Variants in TCF4 observed in about 807,000 individuals in gnomAD.
The protein encoded by TCF4 is transcription factor 4, also known as SL3-3 enhancer factor 2.
Under a neutral mutation model 82.1 loss-of-function variants are expected in TCF4, and 3 were observed. That is an observed-to-expected ratio of 0.04 (90% CI 0.02 to 0.09). The LOEUF (loss-of-function observed/expected upper bound fraction) is 0.09. Ranked by LOEUF, TCF4 falls within the 10% of genes least tolerant of loss-of-function variation. The probability of loss-of-function intolerance (pLI) is 1.00; values close to 1 mark genes in which losing one functional copy is unlikely to be tolerated. For missense variants in TCF4, 518 were observed against 852.7 expected (o/e 0.61, Z 4.89); for synonymous variants, 276 against 309.6 (o/e 0.89, Z 1.14).
intron 8 of TCF4, among the ~76,000 whole-genome samples, chr18:55,342,736 T>C (rs1289862002): frequency 1.3e-5 from 2 of 152,184 alleles, no homozygotes; most frequent in African/African-American, 4.8e-5. Flanking sequence ...TAAATTATTT[T>C]GTACTTCAAG....
At chr18:55,351,890 T>C in intron 6 of TCF4, 1 of 877,200 alleles carries the variant, frequency 1.1e-6, no homozygotes, top group Non-Finnish European at 1.4e-6. Context: ...ATAGTACCAT[T>C]TATATTAAGA....
chr18:55,630,554 A>C (rs747281563), intron 2 of TCF4, among the ~76,000 whole-genome samples: 1 of 152,218 alleles, frequency 6.6e-6, no homozygotes, highest in Non-Finnish European at 1.5e-5. Flanking sequence ...ATTTCTGGAA[A>C]GCTTGTTGAA....
chr18:55,258,245 A>G (rs551100808), intron 13 of TCF4, among the ~76,000 whole-genome samples: 4 of 152,166 alleles, frequency 2.6e-5, no homozygotes, highest in Non-Finnish European at 5.9e-5. Flanking sequence ...TCTTGACAGA[A>G]TTTGGACAGA....
At chr18:55,259,664 G>A (rs2057614841) in intron 13 of TCF4, 3 of 353,376 alleles carry the variant, frequency 8.5e-6, no homozygotes, top group South Asian at 8.7e-5. Context: ...TTATTCTGCC[G>A]TTGGGTGTCT....
chr18:55,541,222 T>C (rs1051140282), intron 3 of TCF4, among the ~76,000 whole-genome samples: 1 of 152,058 alleles, frequency 6.6e-6, no homozygotes, highest in Non-Finnish European at 1.5e-5. Flanking sequence ...CATTTTATAC[T>C]GCAAATTGCA....
At chr18:55,404,704 G>A (rs1036765514) in intron 5 of TCF4, among the ~76,000 whole-genome samples, 1 of 152,112 alleles carries the variant, frequency 6.6e-6, no homozygotes, top group Non-Finnish European at 1.5e-5. Context: ...AATGTTATTA[G>A]AGTATGCCTT....
At chr18:55,511,346 A>AAAAC (rs1555713660) in intron 3 of TCF4, among the ~76,000 whole-genome samples, 2 of 151,100 alleles carry the variant, frequency 1.3e-5, no homozygotes, top group African/African-American at 2.4e-5. Context: ...AAAAAAAAAA[A>AAAAC]AAAAGCATTC....
At chr18:55,404,641 C>T (rs1039100938) in intron 5 of TCF4, among the ~76,000 whole-genome samples, 5 of 152,102 alleles carry the variant, frequency 3.3e-5, no homozygotes, top group Admixed American at 1.3e-4. Flanking sequence ...CAACTCAACA[C>T]GAATGCTAAA....
intron 2 of TCF4, among the ~76,000 whole-genome samples, chr18:55,630,598 A>G (rs1476391174): frequency 6.6e-6 from 1 of 152,208 alleles, no homozygotes; most frequent in Non-Finnish European, 1.5e-5. Flanking sequence ...TCATTTATTC[A>G]TTCTATAAAG....
intron 8 of TCF4, chr18:55,321,569 A>T: frequency 2.0e-6 from 3 of 1,489,456 alleles, no homozygotes; most frequent in East Asian, 2.5e-5. Flanking sequence ...AAGGTGCGGC[A>T]GTCCTGCACA....
At position 55,576,529 on chromosome 18, in the gene TCF4, T is replaced by C. The variant is rs149480778; in HGVS notation, c.145+8751A>G. Reference sequence around the variant, plus strand: ...TTTAGAGCCAAGAAACTTCTCTTTCTGGGAGCTCTCTTTAATCTACCCTTT... The same window carrying C: ...TTTAGAGCCAAGAAACTTCTCTTTCCGGGAGCTCTCTTTAATCTACCCTTT... On this transcript the variant is annotated intron_variant, in intron 3 of 19. Coordinates refer to ENST00000354452, the MANE Select transcript of TCF4 (RefSeq NM_001083962.2). Among the ~76,000 whole-genome samples, 81 of 152,252 alleles carry C rather than the reference T, an allele frequency of 5.3e-4. 1 individual carries two copies. Among genetic ancestry groups the C allele is most frequent in the Middle Eastern group, 3.4e-3 (1 of 294 alleles).
chr18:55,398,614 C>CT (rs1208633562), intron 6 of TCF4, among the ~76,000 whole-genome samples: 5 of 152,248 alleles, frequency 3.3e-5, no homozygotes, highest in Non-Finnish European at 7.4e-5. Context: ...TTCCAAAGGA[C>CT]TTTTTTGGGA....
rs1301080004 is a variant in TCF4 at position 55,223,595 on chromosome 18, A to G, written c.*4440T>C. ...GAACTCCAGCACACAACCTGTTTGG[A>G]CACTTCTACAAATCAGAAATACACC... On this transcript the variant is annotated 3_prime_UTR_variant, in exon 20 of 20. Coordinates refer to ENST00000354452, the MANE Select transcript of TCF4 (RefSeq NM_001083962.2). The G allele has an allele frequency of 1.3e-5, 2 of 152,484 alleles. No individual in the cohort carries two copies. The highest frequency in any genetic ancestry group is 4.8e-5 in the African/African-American group (2 of 41,404). The allele number at this position is 152,484 out of a possible 1,614,324, so 9.4% of individuals were successfully genotyped here.
At chr18:55,474,940 T>C (rs951729913) in intron 3 of TCF4, among the ~76,000 whole-genome samples, 1 of 152,154 alleles carries the variant, frequency 6.6e-6, no homozygotes, top group African/African-American at 2.4e-5. Flanking sequence ...TTTAAAAGTT[T>C]TCAATTACAG....
In TCF4 at chr18:55,227,776, C is replaced by G. The variant is rs1464162427; in HGVS notation, c.*259G>C. 1 of 205,422 alleles carries G rather than the reference C, an allele frequency of 4.9e-6. No individual in the cohort carries two copies. Among genetic ancestry groups the G allele is most frequent in the Non-Finnish European group, 9.9e-6 (1 of 100,890 alleles). The allele number at this position is 205,422 out of a possible 1,614,324, so 12.7% of individuals were successfully genotyped here. On this transcript the variant is annotated 3_prime_UTR_variant, in exon 20 of 20. Transcript: ENST00000354452. ...TGGGCTGTGTCTCAGCCTGTACATA[C>G]TGCTTTGCACATTCTGAATGATATG...
chr18:55,292,626 T>C (rs2065344968), intron 8 of TCF4, among the ~76,000 whole-genome samples: 1 of 152,162 alleles, frequency 6.6e-6, no homozygotes, highest in South Asian at 2.1e-4. Flanking sequence ...AAGTAGATAG[T>C]TCTTTGTTTA....
At chr18:55,386,584 T>A (rs987231827) in intron 6 of TCF4, among the ~76,000 whole-genome samples, 19 of 152,140 alleles carry the variant, frequency 1.2e-4, no homozygotes, top group African/African-American at 4.3e-4. Flanking sequence ...AAACAATGCT[T>A]ACCACAAAAA....
At chr18:55,608,223 AG>A (rs2097703926) in intron 2 of TCF4, among the ~76,000 whole-genome samples, 1 of 152,152 alleles carries the variant, frequency 6.6e-6, no homozygotes, top group South Asian at 2.1e-4. Context: ...TGATATTTTG[AG>A]GGGTTAAGTA....
chr18:55,273,991 G>T (rs887200045), intron 10 of TCF4, among the ~76,000 whole-genome samples: 5 of 152,074 alleles, frequency 3.3e-5, no homozygotes, highest in Non-Finnish European at 7.4e-5. Context: ...ACACAGAAGG[G>T]AAGAAAAATT....
Sources: gnomAD v4.1 joint callset for allele counts (sites outside exome capture counted in the v4.1 genomes callset) on GRCh38, gnomAD v4.1.1 for gene constraint, MANE v1.5 for transcripts, NCBI Gene and HGNC (gene_info 2026-07-23, HGNC 2026-07-21) for gene names.